Variants in PIK3CB observed in about 807,000 individuals in gnomAD.
PIK3CB encodes the protein phosphatidylinositol-4,5-bisphosphate 3-kinase catalytic subunit beta, also known as phosphatidylinositol 4,5-bisphosphate 3-kinase catalytic subunit beta isoform.
PIK3CB carries 39 observed loss-of-function variants against 136.8 expected under a neutral mutation model. The observed-to-expected ratio is 0.29, with a 90% CI of 0.22 to 0.37. The LOEUF (loss-of-function observed/expected upper bound fraction) is 0.37. PIK3CB is among the 10% of genes least tolerant of loss of function. The probability of loss-of-function intolerance (pLI) is 1.00; values close to 1 mark genes in which losing one functional copy is unlikely to be tolerated. For synonymous variants in PIK3CB, 428 were observed against 436.6 expected, an observed-to-expected ratio of 0.98 and a Z score of 0.25; for missense variants, 868 against 1,275.4, an observed-to-expected ratio of 0.68 and a Z score of 4.87.
intron 2 of PIK3CB, among the ~76,000 whole-genome samples, chr3:138,794,694 A>G (rs1576417738): frequency 6.6e-6 from 1 of 152,310 alleles, no homozygotes; most frequent in East Asian, 1.9e-4. Flanking sequence ...ACAGAGGTCC[A>G]TTTCTCATGG....
chr3:138,728,753 C>G (rs1435101042), intron 8 of PIK3CB, among the ~76,000 whole-genome samples: 3 of 150,554 alleles, frequency 2.0e-5, no homozygotes, highest in Admixed American at 6.6e-5. Context: ...GCACTCCAGC[C>G]TGGGTGGCAG....
At chr3:138,728,212 A>C in intron 8 of PIK3CB, among the ~76,000 whole-genome samples, 1 of 152,190 alleles carries the variant, frequency 6.6e-6, no homozygotes, top group Non-Finnish European at 1.5e-5. Context: ...AAATAATACC[A>C]GTCCAACTGG....
rs867442254 is a variant in PIK3CB at position 138,716,918 on chromosome 3, A to G, written c.1051-2199T>C. ...CAAAAAAAAAAAAAAAAAAAAAAAA[A>G]AAAAGCATGTTCACCTTGTAAACTG... On this transcript the variant is annotated intron_variant, in intron 8 of 23. Coordinates refer to ENST00000674063, the MANE Select transcript of PIK3CB (RefSeq NM_006219.3). Among the ~76,000 whole-genome samples the G allele has an allele frequency of 6.0e-3, 897 of 149,580 alleles. 6 individuals carry two copies. The highest frequency in any genetic ancestry group is 9.7e-3 in the Non-Finnish European group (650 of 67,320).
intron 21 of PIK3CB, among the ~76,000 whole-genome samples, chr3:138,661,227 A>G (rs559160): frequency 0.49 from 74,533 of 152,022 alleles, 20,780 homozygotes; most frequent in East Asian, 0.98. Flanking sequence ...GAATAAATCT[A>G]TCTCCTTCTT....
intron 8 of PIK3CB, among the ~76,000 whole-genome samples, chr3:138,733,158 C>G (rs1559848403): frequency 6.6e-6 from 1 of 151,168 alleles, no homozygotes; most frequent in African/African-American, 2.4e-5. Context: ...TCTAATGATT[C>G]AAAAGTCTTT....
intron 1 of PIK3CB, chr3:138,826,120 T>C: frequency 9.7e-7 from 1 of 1,026,658 alleles, no homozygotes; most frequent in Non-Finnish European, 1.5e-6. Flanking sequence ...GGCCCTAAAT[T>C]CTTGAAGTCT....
chr3:138,741,344 G>A (rs922921578), intron 5 of PIK3CB, among the ~76,000 whole-genome samples: 2 of 152,184 alleles, frequency 1.3e-5, no homozygotes, highest in African/African-American at 4.8e-5. Context: ...ACTGTAAGAT[G>A]GGGGAAAGAC....
In PIK3CB at chr3:138,681,099, T is replaced by C. The variant is rs141759103; in HGVS notation, c.2504+868A>G. On this transcript the variant is annotated intron_variant, in intron 19 of 23. Transcript: ENST00000674063. Reference sequence around the variant, plus strand: ...TCTCACTTTGTCATCCAGCCTGGAGTGTAGTGGTGCAATCTCTGTTCCCTG... The same window carrying C: ...TCTCACTTTGTCATCCAGCCTGGAGCGTAGTGGTGCAATCTCTGTTCCCTG... Among the ~76,000 whole-genome samples, 545 of 145,394 alleles carry C rather than the reference T, an allele frequency of 3.7e-3. 5 individuals carry two copies. Among genetic ancestry groups the C allele is most frequent in the African/African-American group, 0.013 (522 of 39,024 alleles).
At chr3:138,689,077 C>A in intron 15 of PIK3CB, 103 bp from the exon 16 acceptor site, 2 of 704,822 alleles carry the variant, frequency 2.8e-6, no homozygotes, top group Admixed American at 2.3e-5. Context: ...CTTATGATGG[C>A]AAGGTCATTG....
rs2043142581 is a variant in PIK3CB at position 138,652,919 on chromosome 3, C to CA, written c.*2469dup. On this transcript the variant is annotated 3_prime_UTR_variant, in exon 24 of 24. Transcript: ENST00000674063. ...AAAATTAAGAATTTGCATTTTTAAC[C>CA]AGTTCTCTCTGGTGATGCTGATGCT... 4.7e-6 allele frequency: 1 copy of CA among 214,304 alleles called. No individual in the cohort carries two copies. Among genetic ancestry groups the CA allele is most frequent in the Non-Finnish European group, 9.4e-6 (1 of 106,384 alleles). The allele number at this position is 214,304 out of a possible 1,614,324, so 13.3% of individuals were successfully genotyped here.
At chr3:138,694,241 CTGGG>C (rs2044087467) in intron 14 of PIK3CB, among the ~76,000 whole-genome samples, 4 of 151,752 alleles carry the variant, frequency 2.6e-5, no homozygotes, top group Non-Finnish European at 5.9e-5. Context: ...CACTTTACTG[CTGGG>C]AGTATAGAAA....
intron 2 of PIK3CB, among the ~76,000 whole-genome samples, chr3:138,794,505 T>A (rs2046087334): frequency 6.6e-6 from 1 of 152,140 alleles, no homozygotes; most frequent in Non-Finnish European, 1.5e-5. Flanking sequence ...GCATAACCTT[T>A]TAGGTGAACA....
At chr3:138,775,542 C>G (rs928457053) in intron 2 of PIK3CB, among the ~76,000 whole-genome samples, 4 of 152,074 alleles carry the variant, frequency 2.6e-5, no homozygotes, top group Non-Finnish European at 4.4e-5. Context: ...AAGGGAAATA[C>G]AGAGTACCCG....
chr3:138,734,759 G>C lies in PIK3CB; in HGVS notation c.847C>G (p.Leu283Val), dbSNP rs754273613. ...VMNRALPHFI[L>V]VECCKIKKMY... Reference sequence around the variant, plus strand: ...TTCTTGATCTTGCAGCATTCCACAAGTATAAAATGGGGCAGGGCTCTGTTC... The same window carrying C: ...TTCTTGATCTTGCAGCATTCCACAACTATAAAATGGGGCAGGGCTCTGTTC... The change falls in exon 7 of 24, where the codon CTT becomes GTT. Residue 283 changes from leucine (L) to valine (V), a missense_variant. Leu to Val is a conservative substitution (Grantham distance 32). Coordinates refer to ENST00000674063, the MANE Select transcript of PIK3CB (RefSeq NM_006219.3). 5 of 1,613,364 alleles carry C rather than the reference G, an allele frequency of 3.1e-6. No homozygotes were observed. The highest frequency in any genetic ancestry group is 3.4e-6 in the Non-Finnish European group (4 of 1,179,562).
chr3:138,814,065 T>C (rs1389740466), intron 1 of PIK3CB, among the ~76,000 whole-genome samples: 1 of 152,122 alleles, frequency 6.6e-6, no homozygotes, highest in Non-Finnish European at 1.5e-5. Flanking sequence ...TGATGAGGTA[T>C]AATCCCATTT....
At chr3:138,679,616 C>G (rs1289002870) in intron 19 of PIK3CB, among the ~76,000 whole-genome samples, 1 of 151,342 alleles carries the variant, frequency 6.6e-6, no homozygotes, top group Non-Finnish European at 1.5e-5. Context: ...TAGGGTCTCA[C>G]TTTGTCACAC....
chr3:138,806,931 G>T (rs7612106), intron 1 of PIK3CB, among the ~76,000 whole-genome samples: 33 of 152,032 alleles, frequency 2.2e-4, no homozygotes, highest in Admixed American at 2.2e-3. Context: ...TATAATATGC[G>T]CAAGCATTCC....
At chr3:138,746,705 T>C (rs1001669161) in intron 4 of PIK3CB, among the ~76,000 whole-genome samples, 6 of 151,696 alleles carry the variant, frequency 4.0e-5, no homozygotes, top group Middle Eastern at 3.4e-3. Flanking sequence ...TAAATAAAAA[T>C]AAAATTGTCA....
At chr3:138,693,552 C>T (rs1018750492) in intron 14 of PIK3CB, among the ~76,000 whole-genome samples, 1 of 151,934 alleles carries the variant, frequency 6.6e-6, no homozygotes, top group African/African-American at 2.4e-5. Flanking sequence ...GCACCGGCCA[C>T]CACGCCTGGC....
Sources: allele counts gnomAD v4.1 joint callset (sites outside exome capture counted in the v4.1 genomes callset), GRCh38; gene constraint gnomAD v4.1.1; transcripts MANE v1.5; gene names NCBI Gene and HGNC (gene_info 2026-07-23, HGNC 2026-07-21).